Variants in QTMAN observed in about 807,000 individuals in gnomAD.
QTMAN encodes the protein tRNA-queuosine alpha-mannosyltransferase.
At chr2:144,160,111 C>G in the QTMAN span, among the ~76,000 whole-genome samples, 2 of 151,990 alleles carry the variant, frequency 1.3e-5, no homozygotes, top group East Asian at 3.9e-4. Flanking sequence ...CATTTCTCCT[C>G]TAAAGGAGGA....
the QTMAN span, among the ~76,000 whole-genome samples, chr2:144,149,080 C>T: frequency 6.6e-5 from 10 of 151,882 alleles, no homozygotes; most frequent in Non-Finnish European, 1.2e-4. Context: ...ACTCTGCTCC[C>T]TACTATCAAT....
chr2:144,022,436 C>G, the QTMAN span, among the ~76,000 whole-genome samples: 1 of 151,900 alleles, frequency 6.6e-6, no homozygotes, highest in Non-Finnish European at 1.5e-5. Flanking sequence ...ACTGCAGATT[C>G]ATGCCACTAT....
At chr2:143,969,615 T>A in the QTMAN span, among the ~76,000 whole-genome samples, 1 of 152,142 alleles carries the variant, frequency 6.6e-6, no homozygotes. Flanking sequence ...GTAAGTACCA[T>A]GAAGATGAAG....
At chr2:143,958,599 C>T in the QTMAN span, among the ~76,000 whole-genome samples, 1 of 151,906 alleles carries the variant, frequency 6.6e-6, no homozygotes, top group African/African-American at 2.4e-5. Context: ...TAAATTCCCC[C>T]CTTAAATAGT....
the QTMAN span, among the ~76,000 whole-genome samples, chr2:144,140,117 G>A: frequency 6.6e-6 from 1 of 151,988 alleles, no homozygotes; most frequent in African/African-American, 2.4e-5. Context: ...GTTGCATAAA[G>A]CAAATTACCA....
the QTMAN span, among the ~76,000 whole-genome samples, chr2:144,241,859 A>T: frequency 6.6e-6 from 1 of 152,176 alleles, no homozygotes; most frequent in African/African-American, 2.4e-5. Flanking sequence ...AAAAAAAAAA[A>T]TGAAAAGAAA....
the QTMAN span, among the ~76,000 whole-genome samples, chr2:144,018,470 T>G: frequency 6.6e-6 from 1 of 152,182 alleles, no homozygotes; most frequent in Non-Finnish European, 1.5e-5. Flanking sequence ...TTTGTTAATT[T>G]TACATTTGAA....
the QTMAN span, among the ~76,000 whole-genome samples, chr2:144,277,010 T>C: frequency 1.3e-5 from 2 of 152,224 alleles, no homozygotes; most frequent in Admixed American, 1.3e-4. Context: ...GTGAACATTT[T>C]ATAAACATGC....
At chr2:144,290,510 G>C in the QTMAN span, among the ~76,000 whole-genome samples, 4 of 152,102 alleles carry the variant, frequency 2.6e-5, no homozygotes, top group African/African-American at 4.8e-5. Flanking sequence ...TTAAAGTGTA[G>C]ATAAGATCAC....
the QTMAN span, among the ~76,000 whole-genome samples, chr2:144,248,391 G>C: frequency 6.6e-6 from 1 of 152,218 alleles, no homozygotes; most frequent in South Asian, 2.1e-4. Context: ...CTGGTTTGCT[G>C]AATTTTCTAA....
the QTMAN span, among the ~76,000 whole-genome samples, chr2:143,954,764 A>AT: frequency 1.3e-5 from 2 of 151,854 alleles, no homozygotes; most frequent in African/African-American, 2.4e-5. Context: ...TTCTCATTTT[A>AT]TTTTTTTTAA....
chr2:144,260,005 T>G, the QTMAN span, among the ~76,000 whole-genome samples: 8 of 152,110 alleles, frequency 5.3e-5, no homozygotes, highest in African/African-American at 1.2e-4. Flanking sequence ...TAATAAAAAT[T>G]TGGAGGTGGG....
the QTMAN span, among the ~76,000 whole-genome samples, chr2:144,292,822 T>C: frequency 6.6e-6 from 1 of 152,188 alleles, no homozygotes; most frequent in Non-Finnish European, 1.5e-5. Flanking sequence ...ATGATTTTAA[T>C]AACAGGTCCT....
the QTMAN span, among the ~76,000 whole-genome samples, chr2:144,139,225 T>TA: frequency 6.6e-6 from 1 of 152,088 alleles, no homozygotes; most frequent in Non-Finnish European, 1.5e-5. Context: ...ATTCAGCTTT[T>TA]AGGAGAGTAG....
chr2:144,214,231 CAAGAT>C, the QTMAN span, among the ~76,000 whole-genome samples: 1 of 152,034 alleles, frequency 6.6e-6, no homozygotes. Context: ...AAAAAAGAGA[CAAGAT>C]AAATATATTC....
chr2:144,133,397 A>G, the QTMAN span, among the ~76,000 whole-genome samples: 11 of 44,512 alleles, frequency 2.5e-4, no homozygotes. Context: ...TATATATTAT[A>G]TAAATATAAT....
At chr2:143,962,217 G>C in the QTMAN span, among the ~76,000 whole-genome samples, 2 of 152,100 alleles carry the variant, frequency 1.3e-5, no homozygotes, top group Non-Finnish European at 2.9e-5. Flanking sequence ...AATGAGTATA[G>C]ATGCCATGAA....
the QTMAN span, among the ~76,000 whole-genome samples, chr2:144,217,579 A>G: frequency 3.7e-4 from 57 of 152,296 alleles, no homozygotes; most frequent in African/African-American, 1.3e-3. Context: ...GTAACTGAAT[A>G]TCATATAGTG....
chr2:143,958,803 T>A, the QTMAN span, among the ~76,000 whole-genome samples: 1 of 146,040 alleles, frequency 6.8e-6, no homozygotes, highest in African/African-American at 2.5e-5. Flanking sequence ...TTTTTTTTTT[T>A]ACGTTTCCAC....
Sources: allele counts gnomAD v4.1 joint callset (sites outside exome capture counted in the v4.1 genomes callset), GRCh38; gene constraint gnomAD v4.1.1; transcripts MANE v1.5; gene names NCBI Gene and HGNC (gene_info 2026-07-23, HGNC 2026-07-21).